The following PSENEN variants were observed in gnomAD, a reference collection of about 807,000 sequenced individuals.
The protein encoded by PSENEN is presenilin enhancer, gamma-secretase subunit.
A neutral mutation model predicts 15.4 loss-of-function variants in PSENEN; 4 were observed. The ratio of observed to expected loss-of-function variants is 0.26; its 90% CI spans 0.13 to 0.59. The LOEUF is 0.59. Among genes scored for constraint, PSENEN ranks in the 20% least tolerant of loss-of-function variants. PSENEN has a pLI of 0.89. For missense variants in PSENEN, 112 were observed against 120.3 expected, an observed-to-expected ratio of 0.93 and a Z score of 0.32; for synonymous variants, 42 against 46.5, an observed-to-expected ratio of 0.90 and a Z score of 0.39.
intron 2 of PSENEN, 131 bp downstream of exon 2, chr19:35,746,122 G>A: frequency 1.1e-6 from 1 of 948,316 alleles, no homozygotes; most frequent in Non-Finnish European, 1.7e-6. Context: ...TCCTGGATTT[G>A]AGTGGGGAGG....
rs1318704109 is a variant in PSENEN, at chr19:35,746,479, C to G, written c.122C>G (p.Ala41Gly). Residue 41 changes from alanine (A) to glycine (G), a missense_variant, in exon 3 of 4, where the codon GCC becomes GGC. By Grantham distance (60) the Ala-to-Gly change is moderately conservative. Coordinates refer to ENST00000587708, the MANE Select transcript of PSENEN (RefSeq NM_172341.4). ...AACATCTTCTGGTTCTTCCGAGAGG[C>G]CTTCCTTGTCCCAGCCTACACAGAA... is the stretch of plus-strand genomic sequence containing the variant. ...LVNIFWFFREAFLVPAYTEQS... is the reference protein window; with the variant it reads ...LVNIFWFFREGFLVPAYTEQS... 6.2e-7 allele frequency: 1 copy of G among 1,614,026 alleles called. No homozygotes were observed. Among genetic ancestry groups the G allele is most frequent in the East Asian group, 2.2e-5 (1 of 44,876 alleles).
In PSENEN at chr19:35,746,526, GAGTCT is replaced by G; in HGVS notation, c.166+6_166+10del. 1 of 1,612,342 alleles carries G rather than the reference GAGTCT, an allele frequency of 6.2e-7. No individual in the cohort carries two copies. The highest frequency in any genetic ancestry group is 8.5e-7 in the Non-Finnish European group (1 of 1,178,702). Reference sequence around the variant, plus strand: ...AGAACAGAGCCAAATCAAAGGCTGTGAGTCTAGAGCACAGAGGAGGGAGGCCAGTG... The same window carrying G: ...AGAACAGAGCCAAATCAAAGGCTGTGAGAGCACAGAGGAGGGAGGCCAGTG... On this transcript the variant is annotated splice_donor_5th_base_variant and intron_variant, in intron 3 of 3. Transcript: ENST00000587708.
rs1313446068 is a variant in PSENEN at position 35,745,785 on chromosome 19, C to T, written c.-96-50C>T. ...GCTTACTAGTGGGGGTGGGGATGCC[C>T]TGCTTTCAGCAAACCGACCTTTACA... On this transcript the variant is annotated intron_variant, in intron 1 of 3. Transcript: ENST00000587708. 3.5e-6 allele frequency: 3 copies of T among 865,066 alleles called. No homozygotes were observed. In the Admixed American group the frequency reaches 5.3e-5, roughly 15 times the overall value. The allele number at this position is 865,066 out of a possible 1,614,324, so 53.6% of individuals were successfully genotyped here. A position where few individuals can be genotyped will look rare whatever the true frequency, so the allele number is the denominator to read the frequency against.
chr19:35,746,923 G>T lies in PSENEN; in HGVS notation c.*76G>T. 6.8e-7 allele frequency: 1 copy of T among 1,475,040 alleles called. No homozygotes were observed. Among genetic ancestry groups the T allele is most frequent in the Non-Finnish European group, 9.1e-7 (1 of 1,093,042 alleles). The allele number at this position is 1,475,040 out of a possible 1,614,324, so 91.4% of individuals were successfully genotyped here. A position where few individuals can be genotyped will look rare whatever the true frequency, so the allele number is the denominator to read the frequency against. ...TAAAGCAGAGGAGCCTGTCCTGGGA[G>T]CCCCTTCTCAAACTCCTAAGACTTG... On this transcript the variant is annotated 3_prime_UTR_variant, in exon 4 of 4. Transcript: ENST00000587708.
chr19:35,746,355 G>A, intron 2 of PSENEN, 64 bp from the exon 3 acceptor site: 1 of 1,337,142 alleles, frequency 7.5e-7, no homozygotes. Flanking sequence ...GGTGGGAGTT[G>A]GAGAAGATCT....
At position 35,746,519 on chromosome 19, in the gene PSENEN, A is replaced by T. The variant is rs1970575563; in HGVS notation, c.162A>T (p.Lys54Asn). 1 of 1,612,844 alleles carries T rather than the reference A, an allele frequency of 6.2e-7. No individual in the cohort carries two copies. The highest frequency in any genetic ancestry group is 8.5e-7 in the Non-Finnish European group (1 of 1,179,214). The change falls in exon 3 of 4, where the codon AAA becomes AAT. Residue 54 changes from lysine (K) to asparagine (N), a missense_variant. Lys to Asn is a moderately conservative substitution (Grantham distance 94, BLOSUM62 0). Transcript: ENST00000587708. ...VPAYTEQSQI[K>N]GYVWRSAVGF... ...CCTACACAGAACAGAGCCAAATCAA[A>T]GGCTGTGAGTCTAGAGCACAGAGGA...
chr19:35,746,541 A>C lies in PSENEN; in HGVS notation c.166+18A>C. 6.2e-7 allele frequency: 1 copy of C among 1,608,894 alleles called. No individual in the cohort carries two copies. Among genetic ancestry groups the C allele is most frequent in the East Asian group, 2.2e-5 (1 of 44,862 alleles). On this transcript the variant is annotated intron_variant, in intron 3 of 3. Coordinates refer to ENST00000587708, the MANE Select transcript of PSENEN (RefSeq NM_172341.4). The stretch of plus-strand genomic sequence containing the variant: ...CAAAGGCTGTGAGTCTAGAGCACAG[A>C]GGAGGGAGGCCAGTGGCAGGGGAGA...
intron 1 of PSENEN, 26 bp from the exon 2 acceptor site, chr19:35,745,809 C>CAA: frequency 9.6e-7 from 1 of 1,040,260 alleles, no homozygotes; most frequent in South Asian, 1.3e-5. Flanking sequence ...CCGACCTTTA[C>CAA]ATTTATCTCT....
At chr19:35,746,289 C>G (rs1345841181) in intron 2 of PSENEN, 130 bp from the exon 3 acceptor site, 2 of 841,864 alleles carry the variant, frequency 2.4e-6, no homozygotes, top group Non-Finnish European at 3.9e-6. Context: ...GAGTCCCTGA[C>G]AACAGAAATC....
chr19:35,746,608 T>A (rs1234127145), intron 3 of PSENEN, 85 bp downstream of exon 3: 3 of 1,607,754 alleles, frequency 1.9e-6, no homozygotes, highest in Non-Finnish European at 2.6e-6. Flanking sequence ...CAATGGAGGA[T>A]CCAAAATGTT....
chr19:35,746,385 TG>T, intron 2 of PSENEN, 33 bp from the exon 3 acceptor site: 1 of 1,527,592 alleles, frequency 6.5e-7, no homozygotes. Context: ...TATGAGGTTT[TG>T]GGGTTTGTTT....
chr19:35,746,379 AG>A, intron 2 of PSENEN, 39 bp from the exon 3 acceptor site: 1 of 1,489,714 alleles, frequency 6.7e-7, no homozygotes, highest in Non-Finnish European at 9.3e-7. Flanking sequence ...TTGCCTTATG[AG>A]GTTTTGGGGT....
rs201605573 is a variant in PSENEN, at chr19:35,745,994, A to G, written c.61+3A>G. 17 of 1,613,856 alleles carry G rather than the reference A, an allele frequency of 1.1e-5. No homozygotes were observed. Among genetic ancestry groups the G allele is most frequent in the Admixed American group, 3.3e-5 (2 of 60,008 alleles). On this transcript the variant is annotated splice_donor_region_variant and intron_variant, in intron 2 of 3. Coordinates refer to ENST00000587708, the MANE Select transcript of PSENEN (RefSeq NM_172341.4). ...CCTGTGCCGGAAGTACTACCTGGGT[A>G]AGGCAGATCGCTAGGGTCCCAGGAG...
rs1347316474 is a variant in PSENEN, at chr19:35,746,533, G to C, written c.166+10G>C. ...AGCCAAATCAAAGGCTGTGAGTCTA[G>C]AGCACAGAGGAGGGAGGCCAGTGGC... is the stretch of plus-strand genomic sequence containing the variant. On this transcript the variant is annotated intron_variant, in intron 3 of 3. Transcript: ENST00000587708. 1.9e-6 allele frequency: 3 copies of C among 1,610,238 alleles called. No individual in the cohort carries two copies. The Admixed American group carries it at 5.0e-5, about 27-fold the overall frequency.
chr19:35,746,458 T>A lies in PSENEN; in HGVS notation c.101T>A (p.Ile34Asn). The change falls in exon 3 of 4, where the codon ATC becomes AAC. Residue 34 changes from isoleucine to asparagine, a missense_variant. Transcript: ENST00000587708. ...CTGCCTTTTCTCTGGTTGGTCAACATCTTCTGGTTCTTCCGAGAGGCCTTC... is the reference window on the plus strand; with the variant it reads ...CTGCCTTTTCTCTGGTTGGTCAACAACTTCTGGTTCTTCCGAGAGGCCTTC... ...AFLPFLWLVN[I>N]FWFFREAFLV... 1 of 1,613,988 alleles carries A rather than the reference T, an allele frequency of 6.2e-7. No individual in the cohort carries two copies. The highest frequency in any genetic ancestry group is 8.5e-7 in the Non-Finnish European group (1 of 1,180,002).
Position 35,745,714 on chromosome 19 carries a change from C to G in PSENEN, c.-97+14C>G. The G allele has an allele frequency of 1.6e-6, 1 of 637,820 alleles. No individual in the cohort carries two copies. The highest frequency in any genetic ancestry group is 2.5e-5 in the Admixed American group (1 of 39,630). 39.5% of individuals were successfully genotyped at this position (637,820 alleles called of 1,614,324 possible). A position where few individuals can be genotyped will look rare whatever the true frequency, so the allele number is the denominator to read the frequency against. Reference sequence around the variant, plus strand: ...TGAGCTCTCCTGGTGAGTTGGGGGTCGTTTCGCCCACCCTAGTAAATATAA... The same window carrying G: ...TGAGCTCTCCTGGTGAGTTGGGGGTGGTTTCGCCCACCCTAGTAAATATAA... On this transcript the variant is annotated intron_variant, in intron 1 of 3. Coordinates refer to ENST00000587708, the MANE Select transcript of PSENEN (RefSeq NM_172341.4).
At position 35,747,129 on chromosome 19, in the gene PSENEN, C is replaced by T. The variant is rs963274060; in HGVS notation, c.*282C>T. 1.3e-5 allele frequency: 4 copies of T among 302,310 alleles called. No individual in the cohort carries two copies. The highest frequency in any genetic ancestry group is 2.4e-5 in the Non-Finnish European group (4 of 164,000). 18.7% of individuals were successfully genotyped at this position (302,310 alleles called of 1,614,324 possible). A position where few individuals can be genotyped will look rare whatever the true frequency, so the allele number is the denominator to read the frequency against. The stretch of plus-strand genomic sequence containing the variant: ...TGATGTACATTTTTTACAGTGCATA[C>T]TACTCATAATCTTCTGAACTAGGAA... On this transcript the variant is annotated 3_prime_UTR_variant, in exon 4 of 4. Coordinates refer to ENST00000587708, the MANE Select transcript of PSENEN (RefSeq NM_172341.4).
In PSENEN at chr19:35,747,021, T is replaced by A; in HGVS notation, c.*174T>A. 1 of 615,458 alleles carries A rather than the reference T, an allele frequency of 1.6e-6. No individual in the cohort carries two copies. Among genetic ancestry groups the A allele is most frequent in the Non-Finnish European group, 2.8e-6 (1 of 362,480 alleles). 38.1% of individuals were successfully genotyped at this position (615,458 alleles called of 1,614,324 possible). The stretch of plus-strand genomic sequence containing the variant: ...AACTTTCGATACTGACTTCCTGGGA[T>A]CTTTTAGAGGTTGAGGCATAAATGA... On this transcript the variant is annotated 3_prime_UTR_variant, in exon 4 of 4. Coordinates refer to ENST00000587708, the MANE Select transcript of PSENEN (RefSeq NM_172341.4).
intron 3 of PSENEN, 37 bp from the exon 4 acceptor site, chr19:35,746,671 G>C: frequency 6.2e-7 from 1 of 1,614,102 alleles, no homozygotes; most frequent in Non-Finnish European, 8.5e-7. Context: ...GAGAGCAGCC[G>C]GAGGCCAACC....
Sources: gnomAD v4.1 joint callset for allele counts on GRCh38, gnomAD v4.1.1 for gene constraint, MANE v1.5 for transcripts, NCBI Gene and HGNC (gene_info 2026-07-23, HGNC 2026-07-21) for gene names.